FMO4: variants seen among roughly 807,000 people sequenced by gnomAD.
The protein encoded by FMO4 is flavin containing dimethylaniline monoxygenase 4.
Under a neutral mutation model 43.3 loss-of-function variants are expected in FMO4, and 38 were observed. The ratio of observed to expected loss-of-function variants is 0.88; its 90% CI spans 0.68 to 1.15. The LOEUF (loss-of-function observed/expected upper bound fraction) is 1.15, where lower values mean the gene tolerates loss of function less well. Among genes scored for constraint, FMO4 ranks in the 50% most tolerant of loss-of-function variants. FMO4 has a pLI of 0.00. For missense variants in FMO4, 631 were observed against 663.3 expected, an observed-to-expected ratio of 0.95 and a Z score of 0.54; for synonymous variants, 224 against 232.2, an observed-to-expected ratio of 0.96 and a Z score of 0.32.
intron 3 of FMO4, among the ~76,000 whole-genome samples, chr1:171,320,812 C>CA (rs568790935): frequency 2.2e-4 from 33 of 151,028 alleles, no homozygotes; most frequent in Non-Finnish European, 4.3e-4. Context: ...CCTATCTCTA[C>CA]AAAAAATAAA....
At position 171,319,894 on chromosome 1, in the gene FMO4, T is replaced by TG; in HGVS notation, c.70dup (p.Glu24GlyfsTer9). 6.2e-7 allele frequency: 1 copy of TG among 1,613,862 alleles called. No individual in the cohort carries two copies. The highest frequency in any genetic ancestry group is 8.5e-7 in the Non-Finnish European group (1 of 1,179,798). Reference sequence around the variant, plus strand: ...TCTCCTCCATCAAATGCTGTGTGGATGAGGACCTGGAGCCCACCTGCTTTG... The same window carrying TG: ...TCTCCTCCATCAAATGCTGTGTGGATGGAGGACCTGGAGCCCACCTGCTTTG... On this transcript the variant is annotated frameshift_variant, in exon 3 of 10. Transcript: ENST00000367749. LOFTEE classifies it high-confidence loss of function.
Position 171,332,773 on chromosome 1 carries a change from A to G in FMO4, c.692A>G (p.Tyr231Cys). Reference sequence around the variant, plus strand: ...CGCTCTTCAGATTGGGGCTATCCTTATAATATGATGGTTACAAGAAGATGC... The same window carrying G: ...CGCTCTTCAGATTGGGGCTATCCTTGTAATATGATGGTTACAAGAAGATGC... Reference protein sequence around the residue: ...LGRSSDWGYPYNMMVTRRCCS... With the variant: ...LGRSSDWGYPCNMMVTRRCCS... The change falls in exon 7 of 10, where the codon TAT becomes TGT. Residue 231 changes from tyrosine to cysteine, a missense_variant. By Grantham distance (194) the Tyr-to-Cys change is radical. Coordinates refer to ENST00000367749, the MANE Select transcript of FMO4 (RefSeq NM_002022.3). The G allele has an allele frequency of 6.2e-7, 1 of 1,612,352 alleles. No individual in the cohort carries two copies. Among genetic ancestry groups the G allele is most frequent in the Non-Finnish European group, 8.5e-7 (1 of 1,178,498 alleles).
Position 171,332,875 on chromosome 1 carries a change from A to G in FMO4, c.794A>G (p.Asn265Ser). The G allele has an allele frequency of 6.5e-7, 1 of 1,544,242 alleles. No homozygotes were observed. The highest frequency in any genetic ancestry group is 9.0e-7 in the Non-Finnish European group (1 of 1,116,546). Residue 265 changes from asparagine to serine, a missense_variant, in exon 7 of 10, where the codon AAT (asparagine) becomes AGT (serine). Coordinates refer to ENST00000367749, the MANE Select transcript of FMO4 (RefSeq NM_002022.3). ...IQERKLNKRFNHEDYGLSITK... is the reference protein window; with the variant it reads ...IQERKLNKRFSHEDYGLSITK... ...GAAAGGAAGTTGAATAAGAGATTTA[A>G]TCATGAGGATTATGGATTAAGTATT...
At chr1:171,332,633 T>C in intron 6 of FMO4, 76 bp from the exon 7 acceptor site, 1 of 1,252,316 alleles carries the variant, frequency 8.0e-7, no homozygotes, top group Middle Eastern at 1.9e-4. Context: ...AATAAGATCA[T>C]TTGAAACACA....
At chr1:171,334,142 C>A (rs553234621) in intron 7 of FMO4, among the ~76,000 whole-genome samples, 7 of 152,150 alleles carry the variant, frequency 4.6e-5, no homozygotes, top group African/African-American at 7.2e-5. Flanking sequence ...AAAAGCATTG[C>A]TCCAGAAATT....
At chr1:171,337,449 G>A (rs755513024) in intron 9 of FMO4, 24 bp downstream of exon 9, 6 of 1,499,072 alleles carry the variant, frequency 4.0e-6, no homozygotes, top group Non-Finnish European at 5.6e-6. Flanking sequence ...CTTGCTCTAG[G>A]GCAAACTTAC....
chr1:171,329,102 C>T (rs370737810), intron 5 of FMO4, among the ~76,000 whole-genome samples: 165 of 152,262 alleles, frequency 1.1e-3, no homozygotes, highest in African/African-American at 3.7e-3. Flanking sequence ...CCTCTCCCTC[C>T]GAACCCTAAA....
At chr1:171,315,973 G>A (rs934096408) in intron 1 of FMO4, among the ~76,000 whole-genome samples, 11 of 152,062 alleles carry the variant, frequency 7.2e-5, no homozygotes, top group African/African-American at 2.2e-4. Context: ...GAGCAGTCAC[G>A]GTCTTTTTTA....
At position 171,325,813 on chromosome 1, in the gene FMO4, T is replaced by A. The variant is rs554209638; in HGVS notation, c.484+1513T>A. On this transcript the variant is annotated intron_variant, in intron 5 of 9. Transcript: ENST00000367749. ...ACACTAAATTCAGTTCCACATAGAC[T>A]ATCCTTTTTTTTTTTTTTTTTTTTT... 7.6e-5 allele frequency among the ~76,000 whole-genome samples: 10 copies of A among 131,118 alleles called. No homozygotes were observed. The East Asian group carries it at 2.5e-3, about 33-fold the overall frequency. 86.0% of individuals were successfully genotyped at this position (131,118 alleles called of 152,430 possible).
intron 5 of FMO4, among the ~76,000 whole-genome samples, chr1:171,327,624 G>A (rs868355457): frequency 3.3e-5 from 5 of 152,016 alleles, no homozygotes; most frequent in Admixed American, 6.6e-5. Flanking sequence ...GTTTAAATTC[G>A]TTAATACAGA....
intron 5 of FMO4, 83 bp from the exon 6 acceptor site, chr1:171,331,557 C>T (rs1406423471): frequency 7.2e-7 from 1 of 1,392,374 alleles, no homozygotes; most frequent in East Asian, 2.3e-5. Flanking sequence ...TGGGACTTCC[C>T]TTTTTCCACA....
chr1:171,324,384 C>A (rs1662575485), intron 5 of FMO4, 84 bp downstream of exon 5: 4 of 1,075,006 alleles, frequency 3.7e-6, no homozygotes, highest in Non-Finnish European at 4.0e-6. Context: ...GGAAATACCG[C>A]CCCATGATTA....
In FMO4 at chr1:171,319,786, T is replaced by G. The variant is rs759546296; in HGVS notation, c.-8-32T>G. 1.9e-5 allele frequency: 30 copies of G among 1,606,272 alleles called. No homozygotes were observed. The East Asian group carries it at 2.0e-4, about 11-fold the overall frequency. On this transcript the variant is annotated intron_variant, in intron 2 of 9. Coordinates refer to ENST00000367749, the MANE Select transcript of FMO4 (RefSeq NM_002022.3). ...AGGGCTCCCTTCCAAACTTATTAAA[T>G]AAAGAAGTTCTGCTTGACTTTCCTC...
Position 171,323,024 on chromosome 1 carries a change from G to A in FMO4, c.153G>A (p.Met51Ile). 3.7e-6 allele frequency: 6 copies of A among 1,613,142 alleles called. No homozygotes were observed. The highest frequency in any genetic ancestry group is 5.1e-6 in the Non-Finnish European group (6 of 1,179,374). ...WKFTESSKDG[M>I]TRVYKSLVTN... is the part of the protein sequence containing the mutation. ...CACAGGAATCTTCCAAAGATGGGATGACCAGGGTCTATAAGTCATTAGTGA... is the reference window on the plus strand; with the variant it reads ...CACAGGAATCTTCCAAAGATGGGATAACCAGGGTCTATAAGTCATTAGTGA... Residue 51 changes from methionine (M) to isoleucine (I), a missense_variant, in exon 4 of 10, where the codon ATG (methionine) becomes ATA (isoleucine). Met to Ile is a conservative substitution (Grantham distance 10). Coordinates refer to ENST00000367749, the MANE Select transcript of FMO4 (RefSeq NM_002022.3).
Position 171,324,207 on chromosome 1 carries a change from A to G in FMO4, c.391A>G (p.Thr131Ala), listed in dbSNP as rs777570552. The change falls in exon 5 of 10, where the codon ACA becomes GCA. Residue 131 changes from threonine (T) to alanine (A), a missense_variant. By Grantham distance (58) the Thr-to-Ala change is moderately conservative. Transcript: ENST00000367749. ...ETGQWDVVTETEGKQNRAVFD... is the reference protein window; with the variant it reads ...ETGQWDVVTEAEGKQNRAVFD... ...TGGTCAGTGGGATGTTGTCACAGAG[A>G]CAGAGGGCAAGCAAAATAGAGCTGT... The G allele has an allele frequency of 9.3e-6, 15 of 1,613,874 alleles. No homozygotes were observed. The highest frequency in any genetic ancestry group is 1.3e-5 in the Non-Finnish European group (15 of 1,179,816).
intron 7 of FMO4, 200 bp downstream of exon 7, chr1:171,333,108 GAT>G: frequency 2.3e-6 from 1 of 442,134 alleles, no homozygotes; most frequent in Non-Finnish European, 4.0e-6. Flanking sequence ...CAAAAGTAGT[GAT>G]TCATGAGGCT....
intron 7 of FMO4, among the ~76,000 whole-genome samples, chr1:171,333,596 C>T (rs973677182): frequency 2.6e-5 from 4 of 152,154 alleles, no homozygotes; most frequent in African/African-American, 9.6e-5. Flanking sequence ...TTGAAAAGCA[C>T]GTAAGGTCAT....
intron 6 of FMO4, among the ~76,000 whole-genome samples, chr1:171,332,300 C>T (rs115388962): frequency 6.6e-6 from 1 of 152,080 alleles, no homozygotes; most frequent in Non-Finnish European, 1.5e-5. Context: ...AATTAGAAAT[C>T]TATTGCACTT....
intron 5 of FMO4, 103 bp from the exon 6 acceptor site, chr1:171,331,537 G>T: frequency 1.9e-6 from 2 of 1,065,700 alleles, no homozygotes; most frequent in Non-Finnish European, 1.4e-6. Flanking sequence ...GCAAAGGACT[G>T]CCATAGTTGT....
Sources: allele counts gnomAD v4.1 joint callset (sites outside exome capture counted in the v4.1 genomes callset), GRCh38; gene constraint gnomAD v4.1.1; transcripts MANE v1.5; gene names NCBI Gene and HGNC (gene_info 2026-07-23, HGNC 2026-07-21).